NADK2: variants seen among roughly 807,000 people sequenced by gnomAD.
NADK2 encodes the protein NAD kinase domain-containing protein 1, mitochondrial.
In NADK2, 35 loss-of-function variants were observed where a neutral mutation model predicts 62.1. That is an observed-to-expected ratio of 0.56 (90% CI 0.43 to 0.75). NADK2 has a LOEUF of 0.75. Ranked by LOEUF, NADK2 falls within the 30% of genes least tolerant of loss-of-function variation. The pLI, the probability that NADK2 is intolerant of heterozygous loss-of-function variation, is 0.00. For synonymous variants in NADK2, 205 were observed against 207.9 expected (o/e 0.99, Z 0.12); for missense variants, 439 against 561.3 (o/e 0.78, Z 2.20).
intron 1 of NADK2, among the ~76,000 whole-genome samples, chr5:36,240,140 A>G (rs1040667362): frequency 6.6e-6 from 1 of 152,188 alleles, no homozygotes; most frequent in Non-Finnish European, 1.5e-5. Context: ...TCTCACCTCT[A>G]GTTTCACTCC....
intron 9 of NADK2, 112 bp downstream of exon 9, chr5:36,200,994 T>C: frequency 1.3e-6 from 1 of 788,176 alleles, no homozygotes; most frequent in Non-Finnish European, 2.1e-6. Flanking sequence ...AAGAAATTAA[T>C]GCATAGTATA....
At chr5:36,225,381 T>G (rs1009486724) in intron 4 of NADK2, among the ~76,000 whole-genome samples, 161 bp downstream of exon 4, 2 of 152,026 alleles carry the variant, frequency 1.3e-5, no homozygotes, top group African/African-American at 4.8e-5. Context: ...AGCCCAAGAA[T>G]GTGAACATGG....
intron 5 of NADK2, among the ~76,000 whole-genome samples, chr5:36,218,510 C>T (rs1342901429): frequency 6.6e-6 from 1 of 152,122 alleles, no homozygotes; most frequent in Non-Finnish European, 1.5e-5. Flanking sequence ...CACTTGGTAG[C>T]TATAAATTAG....
At chr5:36,224,105 G>A (rs906974431) in intron 4 of NADK2, among the ~76,000 whole-genome samples, 1 of 152,156 alleles carries the variant, frequency 6.6e-6, no homozygotes, top group Non-Finnish European at 1.5e-5. Flanking sequence ...GAATGGGGAA[G>A]AGAGATGAGT....
Position 36,195,277 on chromosome 5 carries a change from C to T in NADK2, c.1196G>A (p.Cys399Tyr). The T allele has an allele frequency of 6.2e-7, 1 of 1,608,852 alleles. No homozygotes were observed. Among genetic ancestry groups the T allele is most frequent in the Non-Finnish European group, 8.5e-7 (1 of 1,178,046 alleles). ...SRQRCFSSKVCVRSRCWDACM... is the reference protein window; with the variant it reads ...SRQRCFSSKVYVRSRCWDACM... ...GGCATCCCAACAACGAGAACGAACA[C>T]AAACCCTAGGCAGAAGGAAATATCT... The change falls in exon 12 of 12, where the codon TGT becomes TAT. Residue 399 changes from cysteine (C) to tyrosine (Y), a missense_variant. Physicochemically the swap from Cys to Tyr is radical, Grantham distance 194 (BLOSUM62 -2). Transcript: ENST00000381937.
intron 1 of NADK2, among the ~76,000 whole-genome samples, chr5:36,239,388 G>A (rs1028382924): frequency 6.6e-6 from 1 of 152,084 alleles, no homozygotes; most frequent in Non-Finnish European, 1.5e-5. Flanking sequence ...ATTCAAATCA[G>A]TAAGGAACTT....
Position 36,241,730 on chromosome 5 carries a change from C to A in NADK2, c.69G>T (p.Leu23=), listed in dbSNP as rs1748139879. 1 of 1,254,852 alleles carries A rather than the reference C, an allele frequency of 8.0e-7. No individual in the cohort carries two copies. Among genetic ancestry groups the A allele is most frequent in the Non-Finnish European group, 1.0e-6 (1 of 994,744 alleles). 77.7% of individuals were successfully genotyped at this position (1,254,852 alleles called of 1,614,324 possible). A position where few individuals can be genotyped will look rare whatever the true frequency, so the allele number is the denominator to read the frequency against. The stretch of plus-strand genomic sequence containing the variant: ...CGGGGCCTCCCGCACCCGGTCCCCG[C>A]AGCGCCGCCGCCCGGCCGCCCGCCA... ...CRVAGGRAAA[L]RGPGAGGPAA... Residue 23 remains leucine (L), a synonymous_variant, in exon 1 of 12, where the codon CTG becomes CTT. Coordinates refer to ENST00000381937, the MANE Select transcript of NADK2 (RefSeq NM_001085411.3). This position sits in a 1 kb window ranked among gnomAD's most constrained non-coding sequence, Gnocchi z 4.9.
intron 10 of NADK2, among the ~76,000 whole-genome samples, chr5:36,198,634 TTA>T (rs1274968045): frequency 6.7e-6 from 1 of 148,196 alleles, no homozygotes; most frequent in Non-Finnish European, 1.5e-5. Flanking sequence ...CATCCTTAAT[TTA>T]TATATATACC....
At chr5:36,227,672 T>C (rs1747534281) in intron 1 of NADK2, 107 bp from the exon 2 acceptor site, 1 of 501,442 alleles carries the variant, frequency 2.0e-6, no homozygotes, top group Non-Finnish European at 3.1e-6. Flanking sequence ...TTTGAAAATA[T>C]ATTTTAATAA....
rs551664229 is a variant in NADK2, at chr5:36,192,665, C to G, written c.*2479G>C. 4 of 152,202 alleles carry G rather than the reference C, an allele frequency of 2.6e-5. No individual in the cohort carries two copies. In the South Asian group the frequency reaches 8.3e-4, roughly 32 times the overall value. 9.4% of individuals were successfully genotyped at this position (152,202 alleles called of 1,614,324 possible). ...ACAAGGAGTATCAAAAATATTAAGT[C>G]AAAATTATCTGAAGAGCCTACACTG... On this transcript the variant is annotated 3_prime_UTR_variant, in exon 12 of 12. Coordinates refer to ENST00000381937, the MANE Select transcript of NADK2 (RefSeq NM_001085411.3).
intron 1 of NADK2, among the ~76,000 whole-genome samples, chr5:36,234,276 G>A (rs1463530815): frequency 6.6e-6 from 1 of 150,446 alleles, no homozygotes; most frequent in Admixed American, 6.6e-5. Context: ...GGGAGGCTGA[G>A]GCAGGAGAAT....
chr5:36,198,123 C>T (rs920752487), intron 10 of NADK2, among the ~76,000 whole-genome samples: 2 of 151,932 alleles, frequency 1.3e-5, no homozygotes, highest in Non-Finnish European at 1.5e-5. Flanking sequence ...AGGCAATATC[C>T]TTTCTCCAAT....
chr5:36,197,315 T>C (rs974621984), intron 11 of NADK2, among the ~76,000 whole-genome samples: 1 of 152,100 alleles, frequency 6.6e-6, no homozygotes, highest in Admixed American at 6.6e-5. Flanking sequence ...GTACCCTTTC[T>C]AGTCACTTAA....
At chr5:36,227,453 C>T in intron 2 of NADK2, 24 bp downstream of exon 2, 2 of 1,272,608 alleles carry the variant, frequency 1.6e-6, no homozygotes, top group Non-Finnish European at 2.1e-6. Context: ...AAATCCAACC[C>T]AAGACCCAAT....
intron 8 of NADK2, among the ~76,000 whole-genome samples, chr5:36,202,951 C>T (rs1357303633): frequency 1.3e-5 from 2 of 152,084 alleles, no homozygotes; most frequent in African/African-American, 4.8e-5. Flanking sequence ...ATGAGTCATA[C>T]ATTTCCACAT....
rs936468652 is a variant in NADK2, at chr5:36,193,024, A to G, written c.*2120T>C. 3 of 152,248 alleles carry G rather than the reference A, an allele frequency of 2.0e-5. No homozygotes were observed. Among genetic ancestry groups the G allele is most frequent in the African/African-American group, 7.2e-5 (3 of 41,470 alleles). The allele number at this position is 152,248 out of a possible 1,614,324, so 9.4% of individuals were successfully genotyped here. A position where few individuals can be genotyped will look rare whatever the true frequency, so the allele number is the denominator to read the frequency against. ...TCACAGAGCAGAAATGTTAGAAATT[A>G]TATCACAAATGGAGCACAATAAGTA... On this transcript the variant is annotated 3_prime_UTR_variant, in exon 12 of 12. Coordinates refer to ENST00000381937, the MANE Select transcript of NADK2 (RefSeq NM_001085411.3).
At chr5:36,223,429 G>A (rs1005211221) in intron 4 of NADK2, among the ~76,000 whole-genome samples, 1 of 151,948 alleles carries the variant, frequency 6.6e-6, no homozygotes, top group Non-Finnish European at 1.5e-5. Flanking sequence ...AGACAATATA[G>A]GAATTGAAGA....
intron 5 of NADK2, 27 bp downstream of exon 5, chr5:36,219,569 A>ATAT (rs1747177671): frequency 1.3e-6 from 2 of 1,583,352 alleles, no homozygotes. Flanking sequence ...AGATACTTAC[A>ATAT]TAAGAACAAC....
At chr5:36,199,973 A>T (rs1746375371) in intron 10 of NADK2, among the ~76,000 whole-genome samples, 1 of 151,994 alleles carries the variant, frequency 6.6e-6, no homozygotes, top group South Asian at 2.1e-4. Flanking sequence ...ATTTTTCTGT[A>T]ATTCCCTATC....
Sources: allele counts gnomAD v4.1 joint callset (sites outside exome capture counted in the v4.1 genomes callset), GRCh38; gene constraint gnomAD v4.1.1; non-coding constraint Gnocchi (gnomAD v3.1); transcripts MANE v1.5; gene names NCBI Gene and HGNC (gene_info 2026-07-23, HGNC 2026-07-21).